The following KYNU variants were observed in gnomAD, a reference collection of about 807,000 sequenced individuals.
KYNU encodes kynureninase.
In KYNU, 54 loss-of-function variants were observed where a neutral mutation model predicts 59.2. The ratio of observed to expected loss-of-function variants is 0.91; its 90% CI spans 0.73 to 1.14. The LOEUF is 1.14. Among genes scored for constraint, KYNU ranks in the 50% most tolerant of loss-of-function variants. KYNU has a pLI of 0.00. For synonymous variants in KYNU, 177 were observed against 192.0 expected, an observed-to-expected ratio of 0.92 and a Z score of 0.65; for missense variants, 567 against 554.4, an observed-to-expected ratio of 1.02 and a Z score of -0.23.
chr2:143,035,798 C>T (rs1204173584), intron 12 of KYNU, among the ~76,000 whole-genome samples: 1 of 152,100 alleles, frequency 6.6e-6, no homozygotes, highest in African/African-American at 2.4e-5. Flanking sequence ...ATTTTTGAGA[C>T]AGGGTCCCCT....
intron 4 of KYNU, among the ~76,000 whole-genome samples, chr2:142,951,794 A>G (rs1031365504): frequency 2.7e-4 from 41 of 152,354 alleles, no homozygotes; most frequent in African/African-American, 8.2e-4. Flanking sequence ...AGTTTAATTT[A>G]AAGTGGTCCA....
At chr2:143,002,835 C>G (rs1685750105) in intron 10 of KYNU, among the ~76,000 whole-genome samples, 2 of 152,172 alleles carry the variant, frequency 1.3e-5, no homozygotes, top group Non-Finnish European at 2.9e-5. Flanking sequence ...CATAAAATTT[C>G]ATATATTATC....
intron 8 of KYNU, among the ~76,000 whole-genome samples, chr2:142,984,696 A>C (rs1293965063): frequency 6.6e-6 from 1 of 152,050 alleles, no homozygotes; most frequent in Non-Finnish European, 1.5e-5. Flanking sequence ...TACAGTTTTC[A>C]CAAGGATATT....
In KYNU at chr2:142,883,186, C is replaced by CTTTT. The variant is rs70997528; in HGVS notation, c.-19-2139_-19-2136dup. Among the ~76,000 whole-genome samples, 17 of 72,034 alleles carry CTTTT rather than the reference C, an allele frequency of 2.4e-4. 1 individual carries two copies. The highest frequency in any genetic ancestry group is 4.4e-4 in the East Asian group (1 of 2,256). The allele number at this position is 72,034 out of a possible 152,430, so 47.3% of individuals were successfully genotyped here. A position where few individuals can be genotyped will look rare whatever the true frequency, so the allele number is the denominator to read the frequency against. On this transcript the variant is annotated intron_variant, in intron 1 of 13. Transcript: ENST00000264170. ...AGTTTTCTTTCTGGCTCCCAAATTT[C>CTTTT]TTTTTTTTTTTTTTTTTTTTTTTTT...
chr2:142,949,413 AG>A (rs960093508), intron 4 of KYNU, among the ~76,000 whole-genome samples: 24 of 152,350 alleles, frequency 1.6e-4, no homozygotes, highest in Admixed American at 1.2e-3. Flanking sequence ...CCACCTCTAC[AG>A]CAAACTTCTG....
intron 4 of KYNU, among the ~76,000 whole-genome samples, chr2:142,939,626 A>AAAT (rs1683522497): frequency 6.7e-6 from 1 of 149,804 alleles, no homozygotes; most frequent in African/African-American, 2.5e-5. Flanking sequence ...AAAAAAAGAA[A>AAAT]AAAGAAAAAG....
chr2:142,983,674 A>C (rs1685111506), intron 8 of KYNU, among the ~76,000 whole-genome samples: 3 of 152,040 alleles, frequency 2.0e-5, no homozygotes, highest in African/African-American at 7.2e-5. Flanking sequence ...TGAGGGTCTT[A>C]GGAGATTTGA....
At chr2:142,941,742 A>G (rs1039851712) in intron 4 of KYNU, among the ~76,000 whole-genome samples, 2 of 152,220 alleles carry the variant, frequency 1.3e-5, no homozygotes, top group Non-Finnish European at 2.9e-5. Context: ...TTCCTAAACC[A>G]TTGGATCCAT....
rs572683895 is a variant in KYNU at position 143,053,330 on chromosome 2, G to T, written c.*11158G>T. 4.6e-5 allele frequency: 7 copies of T among 152,320 alleles called. No homozygotes were observed. In the East Asian group the frequency reaches 1.3e-3, roughly 29 times the overall value. The allele number at this position is 152,320 out of a possible 1,614,324, so 9.4% of individuals were successfully genotyped here. ...GGCTTCCCACAATCCTTGGCTTAAGGTCCATCTTTAAGCTTTGTCTCTGAT... is the reference window on the plus strand; with the variant it reads ...GGCTTCCCACAATCCTTGGCTTAAGTTCCATCTTTAAGCTTTGTCTCTGAT... On this transcript the variant is annotated 3_prime_UTR_variant, in exon 14 of 14. Coordinates refer to ENST00000264170, the MANE Select transcript of KYNU (RefSeq NM_003937.3).
chr2:142,899,824 C>T lies in KYNU; in HGVS notation c.169+14288C>T, dbSNP rs749619463. Among the ~76,000 whole-genome samples the T allele has an allele frequency of 8.5e-5, 13 of 152,276 alleles. 1 individual carries two copies. The highest frequency in any genetic ancestry group is 2.1e-4 in the South Asian group (1 of 4,826). ...TGCAGGGGAATATTTCTTTGGCACA[C>T]GTCACAGGCCCTGACTATCTGCTTG... On this transcript the variant is annotated intron_variant, in intron 2 of 13. Transcript: ENST00000264170.
rs1687090528 is a variant in KYNU at position 143,042,622 on chromosome 2, A to ATGTGTGTG, written c.*451_*452insGTGTGTGT. The ATGTGTGTG allele has an allele frequency of 8.0e-6, 1 of 124,238 alleles. No homozygotes were observed. The highest frequency in any genetic ancestry group is 3.5e-5 in the African/African-American group (1 of 28,416). 7.7% of individuals were successfully genotyped at this position (124,238 alleles called of 1,614,324 possible). A position where few individuals can be genotyped will look rare whatever the true frequency, so the allele number is the denominator to read the frequency against. On this transcript the variant is annotated 3_prime_UTR_variant, in exon 14 of 14. Transcript: ENST00000264170. ...TATATATATATATATATATATATAT[A>ATGTGTGTG]TATATATATGTGTGTGTGTGTGTGT... is the stretch of plus-strand genomic sequence containing the variant.
rs758020532 is a variant in KYNU, at chr2:143,029,647, A to T, written c.923A>T (p.His308Leu). The change falls in exon 11 of 14, where the codon CAT becomes CTT. Residue 308 changes from histidine to leucine, a missense_variant. Transcript: ENST00000264170. The part of the protein sequence containing the change: ...IKPALVGWFG[H>L]ELSTRFKMDN... ...TTTAGATTAGTGGGATGGTTTGGCC[A>T]TGAACTCAGCACCAGATTTAAGATG... The T allele has an allele frequency of 8.1e-6, 13 of 1,600,546 alleles. No individual in the cohort carries two copies. Among genetic ancestry groups the T allele is most frequent in the Non-Finnish European group, 1.1e-5 (13 of 1,167,598 alleles).
chr2:142,930,566 CTGGCTTCTCCTCT>C (rs1683176571), intron 4 of KYNU, among the ~76,000 whole-genome samples: 1 of 152,164 alleles, frequency 6.6e-6, no homozygotes, highest in African/African-American at 2.4e-5. Context: ...GGTTCTCCTC[CTGGCTTCTCCTCT>C]TGGCTGCCTT....
chr2:142,967,822 A>G (rs1005084586), intron 8 of KYNU, among the ~76,000 whole-genome samples: 1 of 152,182 alleles, frequency 6.6e-6, no homozygotes, highest in Non-Finnish European at 1.5e-5. Context: ...TAATAGAATA[A>G]TATCTCTGTA....
At chr2:142,913,291 T>C (rs899846249) in intron 2 of KYNU, among the ~76,000 whole-genome samples, 1 of 152,226 alleles carries the variant, frequency 6.6e-6, no homozygotes, top group Non-Finnish European at 1.5e-5. Flanking sequence ...AAATTGGGAA[T>C]TGCAGATCAT....
chr2:142,986,753 A>G (rs564601140), intron 10 of KYNU, among the ~76,000 whole-genome samples: 1 of 151,432 alleles, frequency 6.6e-6, no homozygotes, highest in East Asian at 2.0e-4. Flanking sequence ...GTTGTATTGG[A>G]GTATGTGTGG....
Position 143,050,382 on chromosome 2 carries a change from G to A in KYNU, c.*8210G>A, listed in dbSNP as rs1687244190. The A allele has an allele frequency of 6.6e-6, 1 of 151,956 alleles. No homozygotes were observed. The highest frequency in any genetic ancestry group is 1.5e-5 in the Non-Finnish European group (1 of 67,982). The allele number at this position is 151,956 out of a possible 1,614,324, so 9.4% of individuals were successfully genotyped here. On this transcript the variant is annotated 3_prime_UTR_variant, in exon 14 of 14. Transcript: ENST00000264170. ...GTATTCTCGCCTCCCACTTATGAGT[G>A]AGAACACGCGATGTTTGGTTTTCTG...
chr2:142,920,469 T>G (rs1682839863), intron 3 of KYNU, among the ~76,000 whole-genome samples: 1 of 152,232 alleles, frequency 6.6e-6, no homozygotes, highest in African/African-American at 2.4e-5. Flanking sequence ...TTAAAATATA[T>G]TCTGCCCTGC....
intron 4 of KYNU, among the ~76,000 whole-genome samples, chr2:142,945,605 TAATCATG>T (rs1241333964): frequency 6.6e-6 from 1 of 152,220 alleles, no homozygotes. Context: ...CTCCTCCCAA[TAATCATG>T]AATGTTCTTA....
Sources: gnomAD v4.1 joint callset for allele counts (sites outside exome capture counted in the v4.1 genomes callset) on GRCh38, gnomAD v4.1.1 for gene constraint, MANE v1.5 for transcripts, NCBI Gene and HGNC (gene_info 2026-07-23, HGNC 2026-07-21) for gene names.